Variants in CNBD1 observed in about 807,000 individuals in gnomAD.
CNBD1 encodes cyclic nucleotide binding domain containing 1.
In CNBD1, 71 loss-of-function variants were observed where a neutral mutation model predicts 54.4. That is an observed-to-expected ratio of 1.30 (90% CI 1.08 to 1.59). CNBD1 has a LOEUF of 1.59. CNBD1 is among the 40% of genes most tolerant of loss of function. The pLI is 0.00. For synonymous variants in CNBD1, 182 were observed against 170.7 expected (o/e 1.07, Z -0.51); for missense variants, 659 against 518.0 (o/e 1.27, Z -2.64).
intron 3 of CNBD1, 92 bp from the exon 4 acceptor site, chr8:86,939,504 G>T: frequency 1.2e-6 from 1 of 821,852 alleles, no homozygotes; most frequent in Non-Finnish European, 1.8e-6. Flanking sequence ...TCTCAAAACA[G>T]TGCATTTATA....
intron 2 of CNBD1, among the ~76,000 whole-genome samples, chr8:87,402,954 A>G (rs1807593757): frequency 6.6e-6 from 1 of 152,058 alleles, no homozygotes; most frequent in South Asian, 2.1e-4. Flanking sequence ...TGTTTATATC[A>G]TACAATTGTG....
At chr8:87,303,423 T>A (rs1190782435) in intron 8 of CNBD1, among the ~76,000 whole-genome samples, 1 of 151,908 alleles carries the variant, frequency 6.6e-6, no homozygotes, top group East Asian at 1.9e-4. Context: ...CTGGGAAAAC[T>A]GGCTAGCCAT....
chr8:87,366,819 G>A (rs956048170), intron 10 of CNBD1, among the ~76,000 whole-genome samples: 1 of 152,018 alleles, frequency 6.6e-6, no homozygotes, highest in Non-Finnish European at 1.5e-5. Flanking sequence ...GAAGAGGATG[G>A]CAAACAAATA....
At chr8:87,318,697 G>A (rs527561456) in intron 8 of CNBD1, among the ~76,000 whole-genome samples, 2 of 152,024 alleles carry the variant, frequency 1.3e-5, no homozygotes, top group South Asian at 2.1e-4. Context: ...TCAGAGGAAG[G>A]AAGGAGATGG....
chr8:87,233,771 G>C (rs913764603), intron 5 of CNBD1, among the ~76,000 whole-genome samples: 1 of 152,072 alleles, frequency 6.6e-6, no homozygotes, highest in African/African-American at 2.4e-5. Flanking sequence ...TGCCCAGTTT[G>C]GCTGTGGCAA....
chr8:87,305,464 A>G (rs1351024436), intron 8 of CNBD1, among the ~76,000 whole-genome samples: 2 of 152,296 alleles, frequency 1.3e-5, no homozygotes. Context: ...GATTAAGCAA[A>G]AAGAAGAAAT....
chr8:87,371,551 C>G (rs1333348032), intron 10 of CNBD1, among the ~76,000 whole-genome samples: 1 of 151,908 alleles, frequency 6.6e-6, no homozygotes, highest in Non-Finnish European at 1.5e-5. Flanking sequence ...GAATTTTAGA[C>G]CAATATCCTT....
At chr8:87,302,096 C>A (rs1157589427) in intron 8 of CNBD1, among the ~76,000 whole-genome samples, 2 of 152,148 alleles carry the variant, frequency 1.3e-5, no homozygotes, top group African/African-American at 4.8e-5. Flanking sequence ...TGAAACTATT[C>A]CAATCAATAG....
At chr8:87,122,613 A>T (rs1811912383) in intron 4 of CNBD1, among the ~76,000 whole-genome samples, 1 of 151,860 alleles carries the variant, frequency 6.6e-6, no homozygotes, top group Non-Finnish European at 1.5e-5. Flanking sequence ...ACTGTTGCCC[A>T]GACCAATGTC....
intron 3 of CNBD1, among the ~76,000 whole-genome samples, chr8:86,915,673 T>G (rs1809172313): frequency 6.6e-6 from 1 of 152,194 alleles, no homozygotes; most frequent in African/African-American, 2.4e-5. Flanking sequence ...CATATACAAT[T>G]AACTTTCCAG....
chr8:87,009,286 T>G (rs1297349482), intron 4 of CNBD1, among the ~76,000 whole-genome samples: 1 of 151,890 alleles, frequency 6.6e-6, no homozygotes, highest in African/African-American at 2.4e-5. Context: ...TCCCAAACCA[T>G]TATTTTTTAT....
At chr8:87,119,265 C>T (rs72665024) in intron 4 of CNBD1, among the ~76,000 whole-genome samples, 1 of 150,884 alleles carries the variant, frequency 6.6e-6, no homozygotes, top group Non-Finnish European at 1.5e-5. Flanking sequence ...TCTTTCATCA[C>T]TTTTCTGTAG....
intron 2 of CNBD1, among the ~76,000 whole-genome samples, chr8:86,894,331 G>C (rs1327919025): frequency 6.6e-6 from 1 of 151,822 alleles, no homozygotes; most frequent in African/African-American, 2.4e-5. Flanking sequence ...GAAGTGCTGG[G>C]ATTACAGGCG....
At chr8:87,253,901 A>G (rs1807957724) in intron 6 of CNBD1, among the ~76,000 whole-genome samples, 1 of 152,222 alleles carries the variant, frequency 6.6e-6, no homozygotes, top group Non-Finnish European at 1.5e-5. Context: ...AGTTACATAA[A>G]AAATCAACAC....
In CNBD1 at chr8:87,003,133, A is replaced by G. The variant is rs535210481; in HGVS notation, c.431+63379A>G. ...TTGAAAATAAAAGGAATACTTTTAC[A>G]GCAGAGATCTGAAAAACAATATTAA... On this transcript the variant is annotated intron_variant, in intron 4 of 10. Transcript: ENST00000518476. Among the ~76,000 whole-genome samples, 9 of 152,344 alleles carry G rather than the reference A, an allele frequency of 5.9e-5. No individual in the cohort carries two copies. In the South Asian group the frequency reaches 1.9e-3, roughly 32 times the overall value.
intron 8 of CNBD1, among the ~76,000 whole-genome samples, chr8:87,346,838 T>G (rs548764305): frequency 2.5e-4 from 38 of 152,310 alleles, no homozygotes; most frequent in African/African-American, 8.9e-4. Context: ...AAACCCAGTA[T>G]GGTTTGAAAA....
intron 4 of CNBD1, among the ~76,000 whole-genome samples, chr8:86,948,900 AAG>A (rs1361426736): frequency 6.6e-6 from 1 of 152,184 alleles, no homozygotes; most frequent in Non-Finnish European, 1.5e-5. Context: ...TCTTAGATTT[AAG>A]ACTCTAATCC....
At chr8:87,093,051 A>C (rs1209337509) in intron 4 of CNBD1, among the ~76,000 whole-genome samples, 1 of 152,154 alleles carries the variant, frequency 6.6e-6, no homozygotes, top group Non-Finnish European at 1.5e-5. Flanking sequence ...AAGGATTTTT[A>C]ATGTATGAAT....
intron 6 of CNBD1, among the ~76,000 whole-genome samples, chr8:87,252,081 G>C (rs1807928827): frequency 6.6e-6 from 1 of 152,014 alleles, no homozygotes; most frequent in Admixed American, 6.6e-5. Flanking sequence ...ATTAGACTTA[G>C]TCCCTGGTGA....
Sources: allele counts gnomAD v4.1 joint callset (sites outside exome capture counted in the v4.1 genomes callset), GRCh38; gene constraint gnomAD v4.1.1; transcripts MANE v1.5; gene names NCBI Gene and HGNC (gene_info 2026-07-23, HGNC 2026-07-21).